Variants in CACNA1E observed in about 807,000 individuals in gnomAD.
CACNA1E encodes the protein voltage-dependent R-type calcium channel subunit alpha-1E.
In CACNA1E, 40 loss-of-function variants were observed where a neutral mutation model predicts 259.2. The observed-to-expected ratio is 0.15, with a 90% CI of 0.12 to 0.20. The LOEUF is 0.20. Ranked by LOEUF, CACNA1E falls within the 10% of genes least tolerant of loss-of-function variation. The pLI is 1.00. For synonymous variants in CACNA1E, 1,104 were observed against 1,138.5 expected, an observed-to-expected ratio of 0.97 and a Z score of 0.61; for missense variants, 1,874 against 3,040.1, an observed-to-expected ratio of 0.62 and a Z score of 9.02.
At chr1:181,644,267 C>G (rs1178113153) in intron 6 of CACNA1E, among the ~76,000 whole-genome samples, 1 of 152,134 alleles carries the variant, frequency 6.6e-6, no homozygotes, top group South Asian at 2.1e-4. Flanking sequence ...GAAGTTGACC[C>G]ATTTTGGTTC....
intron 1 of CACNA1E, among the ~76,000 whole-genome samples, chr1:181,326,655 A>G (rs1650822099): frequency 6.6e-6 from 1 of 152,108 alleles, no homozygotes; most frequent in Admixed American, 6.5e-5. Flanking sequence ...GGTGACTTCC[A>G]AATTTCTGTT....
At chr1:181,405,325 G>A (rs1242528039) in intron 1 of CACNA1E, among the ~76,000 whole-genome samples, 4 of 152,236 alleles carry the variant, frequency 2.6e-5, no homozygotes, top group South Asian at 4.1e-4. Context: ...CAGCATTGCA[G>A]ATGCCATTGT....
chr1:181,688,399 C>A (rs1650800064), intron 7 of CACNA1E, among the ~76,000 whole-genome samples: 2 of 152,352 alleles, frequency 1.3e-5, no homozygotes, highest in South Asian at 4.1e-4. Context: ...CCCCTCTCCA[C>A]TTCTAGAATT....
chr1:181,554,093 CT>C (rs1394455032), intron 3 of CACNA1E, among the ~76,000 whole-genome samples: 2 of 152,220 alleles, frequency 1.3e-5, no homozygotes, highest in African/African-American at 4.8e-5. Flanking sequence ...CCACTGCAGC[CT>C]TGACCTCCTG....
At chr1:181,508,174 T>TGTGA (rs1221577124) in intron 1 of CACNA1E, among the ~76,000 whole-genome samples, 1 of 151,778 alleles carries the variant, frequency 6.6e-6, no homozygotes, top group African/African-American at 2.4e-5. Flanking sequence ...TGTGTGTGTG[T>TGTGA]GATGGGGTGT....
intron 3 of CACNA1E, among the ~76,000 whole-genome samples, chr1:181,513,844 C>G (rs980041065): frequency 6.6e-6 from 1 of 152,202 alleles, no homozygotes; most frequent in Non-Finnish European, 1.5e-5. Flanking sequence ...CAGTTGTCCT[C>G]TCTGTGCTCT....
intron 25 of CACNA1E, among the ~76,000 whole-genome samples, chr1:181,750,208 G>A (rs976142434): frequency 3.9e-5 from 6 of 152,268 alleles, no homozygotes. Context: ...CCCTTGTGCT[G>A]GCAGAGGGCC....
intron 1 of CACNA1E, among the ~76,000 whole-genome samples, chr1:181,327,615 G>C (rs1028734069): frequency 6.6e-6 from 1 of 152,124 alleles, no homozygotes; most frequent in African/African-American, 2.4e-5. Flanking sequence ...ATATTGTCTA[G>C]AACACAGTTA....
intron 2 of CACNA1E, among the ~76,000 whole-genome samples, chr1:181,471,038 G>A (rs1221139863): frequency 6.6e-6 from 1 of 152,184 alleles, no homozygotes. Context: ...GTCTGTCGAG[G>A]ACACGGTCTC....
chr1:181,470,365 A>T (rs1571944126), intron 2 of CACNA1E, among the ~76,000 whole-genome samples: 1 of 151,650 alleles, frequency 6.6e-6, no homozygotes, highest in East Asian at 1.9e-4. Context: ...ATTTATTTTT[A>T]TTTTTATTTC....
intron 6 of CACNA1E, among the ~76,000 whole-genome samples, chr1:181,596,643 CTT>C (rs1653204723): frequency 6.6e-6 from 1 of 151,568 alleles, no homozygotes; most frequent in African/African-American, 2.4e-5. Context: ...CCAGGGAGCT[CTT>C]TGCCAAGAGA....
At chr1:181,436,327 AG>A (rs1466928257) in intron 2 of CACNA1E, among the ~76,000 whole-genome samples, 1 of 152,256 alleles carries the variant, frequency 6.6e-6, no homozygotes, top group Non-Finnish European at 1.5e-5. Context: ...AGCTAAAAAC[AG>A]GACTACCATA....
At chr1:181,685,898 C>T (rs548777241) in intron 7 of CACNA1E, among the ~76,000 whole-genome samples, 5 of 152,188 alleles carry the variant, frequency 3.3e-5, no homozygotes, top group Admixed American at 2.0e-4. Context: ...TCCTAGTTCT[C>T]TAAGTTTTAC....
At chr1:181,580,142 G>T (rs1651380998) in intron 5 of CACNA1E, among the ~76,000 whole-genome samples, 1 of 152,074 alleles carries the variant, frequency 6.6e-6, no homozygotes, top group Admixed American at 6.5e-5. Context: ...TCAAAACCAG[G>T]AATCCACGCT....
chr1:181,331,399 G>C (rs542770014), intron 1 of CACNA1E, among the ~76,000 whole-genome samples: 13 of 152,284 alleles, frequency 8.5e-5, no homozygotes, highest in African/African-American at 3.1e-4. Flanking sequence ...CTGGAAGGAC[G>C]GTGGCTGGTA....
chr1:181,510,371 T>C (rs1380440803), intron 1 of CACNA1E, 106 bp from the exon 2 acceptor site: 4 of 738,456 alleles, frequency 5.4e-6, no homozygotes, highest in Non-Finnish European at 9.7e-6. Flanking sequence ...TCATGCAAAC[T>C]GCACAGACAC....
intron 6 of CACNA1E, among the ~76,000 whole-genome samples, chr1:181,584,048 C>T (rs983043159): frequency 1.3e-5 from 2 of 152,136 alleles, no homozygotes; most frequent in Non-Finnish European, 2.9e-5. Flanking sequence ...CTGGAGGTGG[C>T]TGAGAGAAGT....
At chr1:181,710,507 A>T (rs1383743055) in intron 7 of CACNA1E, among the ~76,000 whole-genome samples, 1 of 152,172 alleles carries the variant, frequency 6.6e-6, no homozygotes, top group Non-Finnish European at 1.5e-5. Flanking sequence ...GGATGAAATG[A>T]GTTAATGGGT....
At chr1:181,378,607 T>A (rs1308082887) in intron 1 of CACNA1E, among the ~76,000 whole-genome samples, 1 of 152,146 alleles carries the variant, frequency 6.6e-6, no homozygotes, top group Non-Finnish European at 1.5e-5. Context: ...TACTTATAAG[T>A]GCATGTATGT....
Sources: allele counts gnomAD v4.1 joint callset (sites outside exome capture counted in the v4.1 genomes callset), GRCh38; gene constraint gnomAD v4.1.1; transcripts MANE v1.5; gene names NCBI Gene and HGNC (gene_info 2026-07-23, HGNC 2026-07-21).